FABP12: variants seen among roughly 807,000 people sequenced by gnomAD.
FABP12 encodes the protein fatty acid binding protein 12, also known as fatty acid-binding protein 12.
A neutral mutation model predicts 13.7 loss-of-function variants in FABP12; 19 were observed. That is an observed-to-expected ratio of 1.39 (90% CI 0.97 to 2.04). FABP12 has a LOEUF of 2.04. FABP12 is among the 30% of genes most tolerant of loss of function. The probability of loss-of-function intolerance (pLI) is 0.00; values close to 1 mark genes in which losing one functional copy is unlikely to be tolerated. For missense variants in FABP12, 182 were observed against 164.2 expected (o/e 1.11, Z -0.59); for synonymous variants, 61 against 57.0 (o/e 1.07, Z -0.32).
intron 1 of FABP12, among the ~76,000 whole-genome samples, chr8:81,581,288 A>G (rs796241868): frequency 5.3e-5 from 8 of 152,318 alleles, no homozygotes; most frequent in African/African-American, 1.7e-4. Context: ...GATTGTGATC[A>G]TAAGTGTCTC....
At chr8:81,584,020 G>A (rs777584522) in intron 1 of FABP12, among the ~76,000 whole-genome samples, 5 of 152,212 alleles carry the variant, frequency 3.3e-5, no homozygotes, top group Non-Finnish European at 5.9e-5. Context: ...TTCCAGGGAT[G>A]CAAAGATTGT....
chr8:81,576,543 A>G (rs1810050528), intron 1 of FABP12, among the ~76,000 whole-genome samples: 1 of 152,054 alleles, frequency 6.6e-6, no homozygotes, highest in Non-Finnish European at 1.5e-5. Flanking sequence ...ACATTATACT[A>G]TATATACTGT....
At chr8:81,554,803 T>C (rs970074398) in intron 1 of FABP12, among the ~76,000 whole-genome samples, 1 of 151,688 alleles carries the variant, frequency 6.6e-6, no homozygotes, top group African/African-American at 2.4e-5. Flanking sequence ...ACTGATGAGC[T>C]TAAAAAAAAA....
At chr8:81,560,381 A>G (rs1809703204) in intron 1 of FABP12, among the ~76,000 whole-genome samples, 2 of 152,206 alleles carry the variant, frequency 1.3e-5, no homozygotes, top group South Asian at 4.1e-4. Context: ...TTGAAGGAAA[A>G]ATTTAAATGC....
At chr8:81,588,263 G>C (rs1306378148) in intron 1 of FABP12, among the ~76,000 whole-genome samples, 2 of 152,188 alleles carry the variant, frequency 1.3e-5, no homozygotes, top group African/African-American at 4.8e-5. Flanking sequence ...GGCAGAGACT[G>C]TGGGGTTTTC....
intron 1 of FABP12, among the ~76,000 whole-genome samples, chr8:81,580,800 T>C (rs1393321751): frequency 2.7e-5 from 4 of 150,846 alleles, no homozygotes; most frequent in South Asian, 2.2e-4. Context: ...AACAGGCCTT[T>C]CTACCCATAT....
intron 1 of FABP12, among the ~76,000 whole-genome samples, chr8:81,543,947 C>T (rs888884967): frequency 2.0e-5 from 3 of 151,914 alleles, no homozygotes; most frequent in Non-Finnish European, 4.4e-5. Flanking sequence ...TTTGAACAAC[C>T]TACAGGTTAG....
intron 1 of FABP12, among the ~76,000 whole-genome samples, chr8:81,555,836 G>A (rs979426171): frequency 5.3e-5 from 8 of 152,136 alleles, no homozygotes; most frequent in Non-Finnish European, 1.2e-4. Flanking sequence ...AGACACTAGA[G>A]AAGAAGGTTA....
intron 1 of FABP12, among the ~76,000 whole-genome samples, chr8:81,561,167 C>A (rs1399308160): frequency 1.3e-5 from 2 of 152,082 alleles, no homozygotes; most frequent in Non-Finnish European, 2.9e-5. Context: ...TCGGGCAAGT[C>A]CTAATTGTTC....
rs1809840555 is a variant in FABP12, at chr8:81,567,248, T to C, written c.-185+22805A>G. Among the ~76,000 whole-genome samples, 3 of 152,178 alleles carry C rather than the reference T, an allele frequency of 2.0e-5. No homozygotes were observed. In the East Asian group the frequency reaches 5.8e-4, roughly 29 times the overall value. ...CTACTAAAAGTAATCAAAGCATTGG[T>C]AGGGATTCAATACAGTCCCTATCAA... On this transcript the variant is annotated intron_variant, in intron 1 of 5. Coordinates refer to the FABP12 transcript ENST00000692030.
chr8:81,534,772 G>A (rs771948134), upstream of FABP12, among the ~76,000 whole-genome samples: 3 of 151,988 alleles, frequency 2.0e-5, no homozygotes, highest in East Asian at 3.9e-4. Context: ...GCAAAACCCC[G>A]TCTCTACTAA....
intron 1 of FABP12, among the ~76,000 whole-genome samples, chr8:81,545,162 A>G (rs1809416497): frequency 6.6e-6 from 1 of 152,228 alleles, no homozygotes; most frequent in African/African-American, 2.4e-5. Flanking sequence ...CTGAGATTAC[A>G]GGCACCTGCC....
At chr8:81,570,604 G>A (rs1405277215) in intron 1 of FABP12, among the ~76,000 whole-genome samples, 2 of 152,056 alleles carry the variant, frequency 1.3e-5, no homozygotes, top group African/African-American at 4.8e-5. Flanking sequence ...CTCTGCAGCT[G>A]GTTGTCCCGT....
At chr8:81,587,150 A>T (rs746426735) in intron 1 of FABP12, among the ~76,000 whole-genome samples, 1 of 152,084 alleles carries the variant, frequency 6.6e-6, no homozygotes, top group East Asian at 1.9e-4. Flanking sequence ...ACATTGGTCT[A>T]TGTGTCTGTT....
chr8:81,556,319 T>C (rs1009066449), intron 1 of FABP12, among the ~76,000 whole-genome samples: 1 of 151,680 alleles, frequency 6.6e-6, no homozygotes, highest in African/African-American at 2.4e-5. Flanking sequence ...TAAAAGTTAA[T>C]GTGTTTGAAA....
At chr8:81,535,513 C>G (rs1809200044), upstream of FABP12, among the ~76,000 whole-genome samples, 1 of 152,196 alleles carries the variant, frequency 6.6e-6, no homozygotes, top group Non-Finnish European at 1.5e-5. Flanking sequence ...GAAATGACTT[C>G]TGGAGGAATC....
At chr8:81,574,056 T>C (rs1809985845) in intron 1 of FABP12, among the ~76,000 whole-genome samples, 1 of 152,200 alleles carries the variant, frequency 6.6e-6, no homozygotes, top group Admixed American at 6.5e-5. Context: ...TGTTTTCAAC[T>C]TTTCCCCATT....
intron 1 of FABP12, among the ~76,000 whole-genome samples, chr8:81,551,731 A>G (rs1340265646): frequency 6.6e-6 from 1 of 152,122 alleles, no homozygotes; most frequent in Non-Finnish European, 1.5e-5. Flanking sequence ...TCCAAATTCA[A>G]CTAGACTTAA....
Position 81,567,978 on chromosome 8 carries a change from C to A in FABP12, c.-185+22075G>T, listed in dbSNP as rs558494365. Reference sequence around the variant, plus strand: ...CTACTAAAAATACAAAAAAAATTAGCCGGGCGCGGTGGCGGGCTCCTGTAG... The same window carrying A: ...CTACTAAAAATACAAAAAAAATTAGACGGGCGCGGTGGCGGGCTCCTGTAG... On this transcript the variant is annotated intron_variant, in intron 1 of 5. Transcript: ENST00000692030. Among the ~76,000 whole-genome samples the A allele has an allele frequency of 3.3e-5, 5 of 152,108 alleles. No homozygotes were observed. In the South Asian group the frequency reaches 1.0e-3, roughly 32 times the overall value.
Sources: gnomAD v4.1 joint callset for allele counts (sites outside exome capture counted in the v4.1 genomes callset) on GRCh38, gnomAD v4.1.1 for gene constraint, MANE v1.5 for transcripts, NCBI Gene and HGNC (gene_info 2026-07-23, HGNC 2026-07-21) for gene names.